Variants in PCDH15 observed in about 807,000 individuals in gnomAD.
The protein encoded by PCDH15 is protocadherin related 15.
A neutral mutation model predicts 178.5 loss-of-function variants in PCDH15; 129 were observed. The observed-to-expected ratio is 0.72, with a 90% confidence interval of 0.63 to 0.84. The LOEUF (loss-of-function observed/expected upper bound fraction) is 0.84, where lower values mean the gene tolerates loss of function less well. Ranked by LOEUF, PCDH15 falls within the 40% of genes least tolerant of loss-of-function variation. The pLI, the probability that PCDH15 is intolerant of heterozygous loss-of-function variation, is 0.00. For synonymous variants in PCDH15, 800 were observed against 732.0 expected (o/e 1.09, Z -1.50); for missense variants, 2,230 against 2,099.9 (o/e 1.06, Z -1.21).
At chr10:54,029,723 G>GA (rs2093234688) in intron 18 of PCDH15, among the ~76,000 whole-genome samples, 1 of 152,084 alleles carries the variant, frequency 6.6e-6, no homozygotes, top group Admixed American at 6.6e-5. Context: ...CTTGAAAAGG[G>GA]AAAAGGGAAA....
intron 6 of PCDH15, among the ~76,000 whole-genome samples, chr10:54,344,756 CCTTTT>C (rs1942910595): frequency 6.6e-6 from 1 of 151,604 alleles, no homozygotes; most frequent in African/African-American, 2.4e-5. Context: ...TTTCTGCTGC[CCTTTT>C]CTTTGCTGTT....
chr10:54,517,678 C>A (rs1037696205), intron 3 of PCDH15, among the ~76,000 whole-genome samples: 9 of 152,102 alleles, frequency 5.9e-5, no homozygotes, highest in Admixed American at 6.5e-5. Flanking sequence ...CAAGGATACC[C>A]AGGAATTGAA....
chr10:54,709,601 TATATATATACA>T (rs2095407594), intron 1 of PCDH15, among the ~76,000 whole-genome samples: 1 of 127,438 alleles, frequency 7.8e-6, no homozygotes, highest in African/African-American at 3.3e-5. Context: ...TTCATATATA[TATATATATACA>T]TATATATATA....
intron 3 of PCDH15, among the ~76,000 whole-genome samples, chr10:54,427,014 T>A (rs922520202): frequency 6.6e-6 from 1 of 152,090 alleles, no homozygotes; most frequent in Non-Finnish European, 1.5e-5. Context: ...GAAGGTCTTT[T>A]AAAAGTTCCA....
intron 26 of PCDH15, among the ~76,000 whole-genome samples, chr10:53,871,451 C>CGTGTGT (rs71461208): frequency 0.13 from 19,000 of 146,524 alleles, 1,308 homozygotes; most frequent in Middle Eastern, 0.22. Context: ...TATATTCATA[C>CGTGTGT]GTGTGTGTGT....
chr10:55,065,703 C>A (rs1841547861), intron 2 of PCDH15, among the ~76,000 whole-genome samples: 7 of 151,924 alleles, frequency 4.6e-5, no homozygotes, highest in Admixed American at 4.6e-4. Context: ...ATAGTGGATT[C>A]TTAGTATACT....
At chr10:54,697,079 C>A (rs545355272) in intron 1 of PCDH15, among the ~76,000 whole-genome samples, 138 of 151,932 alleles carry the variant, frequency 9.1e-4, no homozygotes, top group African/African-American at 3.2e-3. Context: ...CCAGCTAGTG[C>A]CAATTTTTGA....
At chr10:54,462,512 C>CTTTTTTTTTTTTTTTTTTT (rs562731025) in intron 3 of PCDH15, among the ~76,000 whole-genome samples, 6 of 66,886 alleles carry the variant, frequency 9.0e-5, no homozygotes, top group African/African-American at 3.0e-4. Context: ...TTTTTCTTTT[C>CTTTTTTTTTTTTTTTTTTT]TTTTTTTTTT....
chr10:53,925,335 G>A (rs1261816636), intron 25 of PCDH15, among the ~76,000 whole-genome samples: 5 of 151,630 alleles, frequency 3.3e-5, no homozygotes, highest in Admixed American at 2.0e-4. Context: ...GAGCTGTAAC[G>A]CTTACCGCGA....
In PCDH15 at chr10:55,107,557, T is replaced by A. The variant is rs191049792; in HGVS notation, c.-80+59019A>T. Reference sequence around the variant, plus strand: ...CCCAGGCTGGAGTGCAATGGCACGATCTTGGCTCACTGCAACCTCTGCCTC... The same window carrying A: ...CCCAGGCTGGAGTGCAATGGCACGAACTTGGCTCACTGCAACCTCTGCCTC... On this transcript the variant is annotated intron_variant, in intron 2 of 5. Coordinates refer to the PCDH15 transcript ENST00000458638. 6.1e-3 allele frequency among the ~76,000 whole-genome samples: 885 copies of A among 144,230 alleles called. 5 individuals are homozygous for A. The highest frequency in any genetic ancestry group is 9.2e-3 in the Non-Finnish European group (613 of 66,842). 94.6% of individuals were successfully genotyped at this position (144,230 alleles called of 152,430 possible).
At chr10:53,922,759 TTAAAG>T (rs2084105857) in intron 25 of PCDH15, among the ~76,000 whole-genome samples, 1 of 152,196 alleles carries the variant, frequency 6.6e-6, no homozygotes, top group Admixed American at 6.5e-5. Context: ...ACTAAACTGG[TTAAAG>T]TATCCAACTT....
chr10:55,267,076 C>A (rs1278240471), intron 1 of PCDH15, among the ~76,000 whole-genome samples: 3 of 151,754 alleles, frequency 2.0e-5, no homozygotes, highest in East Asian at 1.9e-4. Context: ...GACAGAGGAA[C>A]TTTTCCCATT....
chr10:53,936,353 A>C (rs978214242), intron 25 of PCDH15, among the ~76,000 whole-genome samples: 1 of 152,184 alleles, frequency 6.6e-6, no homozygotes, highest in Admixed American at 6.5e-5. Flanking sequence ...TTTTGGCAGC[A>C]GTAATCATGA....
At chr10:54,430,273 T>C (rs1956810909) in intron 3 of PCDH15, among the ~76,000 whole-genome samples, 1 of 152,062 alleles carries the variant, frequency 6.6e-6, no homozygotes, top group Non-Finnish European at 1.5e-5. Context: ...TCAGGTGGTC[T>C]TGAACTCCTG....
chr10:54,449,031 A>G (rs1190378000), intron 3 of PCDH15, among the ~76,000 whole-genome samples: 2 of 151,624 alleles, frequency 1.3e-5, no homozygotes, highest in African/African-American at 4.8e-5. Flanking sequence ...TTTTCCCCAT[A>G]TCTAGGCAAG....
At chr10:54,237,036 T>C in intron 8 of PCDH15, 105 bp from the exon 9 acceptor site, 2 of 971,050 alleles carry the variant, frequency 2.1e-6, no homozygotes, top group East Asian at 2.4e-5. Flanking sequence ...TCTGAGACAG[T>C]AAACTCAAGT....
At chr10:55,286,019 A>G (rs1842860775) in intron 1 of PCDH15, among the ~76,000 whole-genome samples, 1 of 151,986 alleles carries the variant, frequency 6.6e-6, no homozygotes, top group Non-Finnish European at 1.5e-5. Context: ...TTAAACAATA[A>G]CAGCTGTGAT....
chr10:54,759,622 C>T (rs1025035584), intron 1 of PCDH15, among the ~76,000 whole-genome samples: 3 of 152,096 alleles, frequency 2.0e-5, no homozygotes, highest in Admixed American at 6.5e-5. Flanking sequence ...ATTTGTCTTT[C>T]GGCAGCGTAT....
chr10:55,120,412 C>T lies in PCDH15; in HGVS notation c.-80+46164G>A, dbSNP rs539214494. ...TTTGGAATTCCAGGAGATGAGAAGA[C>T]CAGGAAGAGTCCCAATTCCTTGGGA... is the stretch of plus-strand genomic sequence containing the variant. On this transcript the variant is annotated intron_variant, in intron 2 of 5. Coordinates refer to the PCDH15 transcript ENST00000458638. 3.3e-5 allele frequency among the ~76,000 whole-genome samples: 5 copies of T among 151,992 alleles called. No individual in the cohort carries two copies. The South Asian group carries it at 1.0e-3, about 32-fold the overall frequency.
Sources: gnomAD v4.1 joint callset for allele counts (sites outside exome capture counted in the v4.1 genomes callset) on GRCh38, gnomAD v4.1.1 for gene constraint, MANE v1.5 for transcripts, NCBI Gene and HGNC (gene_info 2026-07-23, HGNC 2026-07-21) for gene names.